Variants in FHIT observed in about 807,000 individuals in gnomAD.
FHIT encodes fragile histidine triad diadenosine triphosphatase, also known as bis(5'-adenosyl)-triphosphatase.
Under a neutral mutation model 17.9 loss-of-function variants are expected in FHIT, and 19 were observed. The ratio of observed to expected loss-of-function variants is 1.06; its 90% CI spans 0.74 to 1.56. FHIT has a LOEUF of 1.56. Among genes scored for constraint, FHIT ranks in the 40% most tolerant of loss-of-function variants. The probability of loss-of-function intolerance (pLI) is 0.00; values close to 1 mark genes in which losing one functional copy is unlikely to be tolerated. For synonymous variants in FHIT, 81 were observed against 69.7 expected, an observed-to-expected ratio of 1.16 and a Z score of -0.81; for missense variants, 248 against 189.2, an observed-to-expected ratio of 1.31 and a Z score of -1.82.
chr3:60,219,980 A>G (rs139082463), intron 5 of FHIT, among the ~76,000 whole-genome samples: 243 of 152,272 alleles, frequency 1.6e-3, no homozygotes, highest in African/African-American at 5.6e-3. Context: ...CAGCCGAGGA[A>G]AATCCTTTGG....
At chr3:60,357,712 T>A (rs1206917981) in intron 5 of FHIT, among the ~76,000 whole-genome samples, 1 of 152,210 alleles carries the variant, frequency 6.6e-6, no homozygotes, top group East Asian at 1.9e-4. Flanking sequence ...TTCTCTGTAG[T>A]ATATACTTTC....
intron 4 of FHIT, among the ~76,000 whole-genome samples, chr3:60,548,566 G>C (rs1464622944): frequency 1.3e-5 from 2 of 152,022 alleles, no homozygotes; most frequent in South Asian, 2.1e-4. Context: ...TCTCTTTTCT[G>C]TAGCAAATGA....
chr3:59,929,363 G>GTTTTTTTTTTTTTTTTTTTT (rs869243844), intron 7 of FHIT, among the ~76,000 whole-genome samples: 1 of 67,052 alleles, frequency 1.5e-5, no homozygotes, highest in Non-Finnish European at 2.7e-5. Context: ...TGTTTTTTTG[G>GTTTTTTTTTTTTTTTTTTTT]TTTTTTTTTT....
intron 5 of FHIT, among the ~76,000 whole-genome samples, chr3:60,376,528 A>T (rs1376280106): frequency 1.3e-5 from 2 of 152,200 alleles, no homozygotes; most frequent in African/African-American, 2.4e-5. Flanking sequence ...CTTCAGCAAA[A>T]GAGTCTTCTA....
At chr3:61,028,374 A>G (rs2032843661) in intron 3 of FHIT, among the ~76,000 whole-genome samples, 2 of 152,182 alleles carry the variant, frequency 1.3e-5, no homozygotes, top group African/African-American at 4.8e-5. Flanking sequence ...AAGGCACAGC[A>G]CTGATAGATA....
chr3:61,208,168 T>C (rs2039318313), intron 1 of FHIT, among the ~76,000 whole-genome samples: 2 of 152,336 alleles, frequency 1.3e-5, no homozygotes, highest in East Asian at 1.9e-4. Context: ...GATTGCACTG[T>C]GGTCTGAGAG....
chr3:60,251,366 T>C (rs1705702662), intron 5 of FHIT, among the ~76,000 whole-genome samples: 1 of 152,182 alleles, frequency 6.6e-6, no homozygotes, highest in Non-Finnish European at 1.5e-5. Context: ...TATCAACCAC[T>C]GTTCAGTGAT....
chr3:60,061,113 G>A (rs781001375), intron 5 of FHIT, among the ~76,000 whole-genome samples: 3 of 152,184 alleles, frequency 2.0e-5, no homozygotes, highest in Non-Finnish European at 4.4e-5. Context: ...TTTCAAGAGT[G>A]CAAATAATAG....
intron 8 of FHIT, among the ~76,000 whole-genome samples, chr3:59,824,262 A>C (rs1039280009): frequency 1.3e-5 from 2 of 151,972 alleles, no homozygotes; most frequent in African/African-American, 4.8e-5. Context: ...AGGTAGAGAG[A>C]GTGTTAAAGA....
chr3:60,083,355 T>C (rs1254497172), intron 5 of FHIT, among the ~76,000 whole-genome samples: 1 of 152,196 alleles, frequency 6.6e-6, no homozygotes, highest in Non-Finnish European at 1.5e-5. Flanking sequence ...TTGGTTAATG[T>C]AGCCTTATAG....
intron 4 of FHIT, among the ~76,000 whole-genome samples, chr3:60,816,503 G>C (rs1408053030): frequency 1.3e-5 from 2 of 151,826 alleles, no homozygotes; most frequent in Admixed American, 6.6e-5. Flanking sequence ...TGATTCTAAG[G>C]CTTTTTAAAA....
At chr3:60,323,930 T>C (rs899679924) in intron 5 of FHIT, among the ~76,000 whole-genome samples, 16 of 151,780 alleles carry the variant, frequency 1.1e-4, no homozygotes, top group Admixed American at 9.8e-4. Context: ...ATGAGAAGGG[T>C]TGAAAGAAAT....
chr3:60,963,770 G>C (rs567498263), intron 3 of FHIT, among the ~76,000 whole-genome samples: 1 of 152,282 alleles, frequency 6.6e-6, no homozygotes, highest in African/African-American at 2.4e-5. Flanking sequence ...CTCAGTTCTT[G>C]TTTGATTGCA....
At position 60,324,573 on chromosome 3, in the gene FHIT, G is replaced by GAAAAAA. The variant is rs4022385; in HGVS notation, c.103+212281_103+212286dup. 2.1e-3 allele frequency among the ~76,000 whole-genome samples: 275 copies of GAAAAAA among 128,764 alleles called. 7 individuals carry two copies. Among genetic ancestry groups the GAAAAAA allele is most frequent in the Middle Eastern group, 0.013 (3 of 240 alleles). 84.5% of individuals were successfully genotyped at this position (128,764 alleles called of 152,430 possible). A position where few individuals can be genotyped will look rare whatever the true frequency, so the allele number is the denominator to read the frequency against. On this transcript the variant is annotated intron_variant, in intron 5 of 9. Coordinates refer to ENST00000492590, the MANE Select transcript of FHIT (RefSeq NM_002012.4). ...TGGGTGACAGAGCGAGACTCCATCAGAAAAAAAAAAAAAAGAATTCCAGTT... is the reference window on the plus strand; with the variant it reads ...TGGGTGACAGAGCGAGACTCCATCAGAAAAAAAAAAAAAAAAAAAAGAATTCCAGTT...
At chr3:61,226,706 A>G (rs2039980101) in intron 1 of FHIT, among the ~76,000 whole-genome samples, 1 of 152,364 alleles carries the variant, frequency 6.6e-6, no homozygotes, top group South Asian at 2.1e-4. Flanking sequence ...AGAGAGAGAG[A>G]AAGAGAAAAA....
intron 5 of FHIT, among the ~76,000 whole-genome samples, chr3:60,322,773 T>C (rs1263113808): frequency 6.6e-6 from 1 of 151,966 alleles, no homozygotes; most frequent in Admixed American, 6.6e-5. Flanking sequence ...AAGAAAGAGG[T>C]AGAGGAGGAA....
At chr3:60,639,160 G>A (rs142123546) in intron 4 of FHIT, among the ~76,000 whole-genome samples, 2 of 151,032 alleles carry the variant, frequency 1.3e-5, no homozygotes, top group Non-Finnish European at 2.9e-5. Flanking sequence ...AATTTGCATC[G>A]TGAGGGAATA....
At chr3:60,109,404 T>C (rs988888998) in intron 5 of FHIT, among the ~76,000 whole-genome samples, 7 of 151,896 alleles carry the variant, frequency 4.6e-5, no homozygotes, top group Admixed American at 2.0e-4. Context: ...TATTTCCCAC[T>C]TTTACTCTAT....
intron 8 of FHIT, among the ~76,000 whole-genome samples, chr3:59,813,315 C>T (rs1038953064): frequency 6.6e-6 from 1 of 152,152 alleles, no homozygotes; most frequent in African/African-American, 2.4e-5. Context: ...CAGGCCTGCA[C>T]CACCGGCTGC....
Sources: allele counts gnomAD v4.1 joint callset (sites outside exome capture counted in the v4.1 genomes callset), GRCh38; gene constraint gnomAD v4.1.1; transcripts MANE v1.5; gene names NCBI Gene and HGNC (gene_info 2026-07-23, HGNC 2026-07-21).